NTN1: variants seen among roughly 807,000 people sequenced by gnomAD.
NTN1 encodes the protein netrin 1.
NTN1 carries 11 observed loss-of-function variants against 54.2 expected under a neutral mutation model. The observed-to-expected ratio is 0.20, with a 90% CI of 0.13 to 0.34. The LOEUF (loss-of-function observed/expected upper bound fraction) is 0.34. Ranked by LOEUF, NTN1 falls within the 10% of genes least tolerant of loss-of-function variation. The probability of loss-of-function intolerance (pLI) is 1.00; values close to 1 mark genes in which losing one functional copy is unlikely to be tolerated. For synonymous variants in NTN1, 371 were observed against 382.0 expected (o/e 0.97, Z 0.33); for missense variants, 740 against 893.1 (o/e 0.83, Z 2.18).
At chr17:9,005,979 C>T in the NTN1 span, among the ~76,000 whole-genome samples, 3 of 152,200 alleles carry the variant, frequency 2.0e-5, no homozygotes, top group Admixed American at 1.3e-4. Flanking sequence ...AATCTGCCCA[C>T]GCCAGGGACA....
chr17:9,043,081 G>GT (rs978575804), intron 2 of NTN1, among the ~76,000 whole-genome samples: 19 of 150,828 alleles, frequency 1.3e-4, no homozygotes, highest in East Asian at 3.9e-4. Flanking sequence ...CTGGTAATTT[G>GT]TTTTTTTTTA....
intron 2 of NTN1, among the ~76,000 whole-genome samples, chr17:9,076,199 C>G (rs540315616): frequency 6.6e-6 from 1 of 152,236 alleles, no homozygotes; most frequent in South Asian, 2.1e-4. Flanking sequence ...ATGAGGGAGG[C>G]CCAATGTCCA....
chr17:9,151,418 G>A (rs922948542), intron 2 of NTN1, among the ~76,000 whole-genome samples: 1 of 152,114 alleles, frequency 6.6e-6, no homozygotes, highest in Non-Finnish European at 1.5e-5. Context: ...TGGCAAGCCG[G>A]GAACTCCAGC....
intron 2 of NTN1, among the ~76,000 whole-genome samples, chr17:9,051,968 T>C (rs946621319): frequency 6.6e-6 from 1 of 152,298 alleles, no homozygotes; most frequent in African/African-American, 2.4e-5. Flanking sequence ...TTTGGGTTTT[T>C]TTTTTTTGTA....
chr17:9,151,572 G>T (rs922561994), intron 2 of NTN1, among the ~76,000 whole-genome samples: 2 of 152,150 alleles, frequency 1.3e-5, no homozygotes, highest in African/African-American at 2.4e-5. Context: ...TGGTGGGGAG[G>T]GGGAAGGGAG....
intron 2 of NTN1, among the ~76,000 whole-genome samples, chr17:9,151,761 G>T (rs1311827036): frequency 6.6e-6 from 1 of 152,174 alleles, no homozygotes; most frequent in Non-Finnish European, 1.5e-5. Context: ...AAGCCAGCTG[G>T]ACTTCCTGGG....
intron 2 of NTN1, among the ~76,000 whole-genome samples, chr17:9,078,961 C>T (rs2092060733): frequency 1.3e-5 from 2 of 152,234 alleles, no homozygotes; most frequent in South Asian, 4.1e-4. Flanking sequence ...GGAGTGCATA[C>T]ATCTGGAAAG....
intron 2 of NTN1, among the ~76,000 whole-genome samples, chr17:9,070,520 A>G (rs1417257965): frequency 6.6e-6 from 1 of 151,800 alleles, no homozygotes; most frequent in African/African-American, 2.4e-5. Flanking sequence ...AGATGGAATT[A>G]GGACCTTAGT....
At chr17:9,145,872 C>T (rs181035883) in intron 2 of NTN1, among the ~76,000 whole-genome samples, 2,811 of 139,640 alleles carry the variant, frequency 0.02, 38 homozygotes, top group African/African-American at 0.032. Flanking sequence ...GAGCTGAGAT[C>T]GGCCACTGCA....
At chr17:9,038,302 CCTA>C (rs2091910387) in intron 2 of NTN1, among the ~76,000 whole-genome samples, 1 of 151,016 alleles carries the variant, frequency 6.6e-6, no homozygotes, top group African/African-American at 2.5e-5. Context: ...CTTATCCTCC[CCTA>C]CTAACTCCTT....
chr17:9,032,264 A>AT (rs1004131670), intron 2 of NTN1, among the ~76,000 whole-genome samples: 72 of 152,310 alleles, frequency 4.7e-4, no homozygotes, highest in African/African-American at 1.7e-3. Flanking sequence ...GTTGTAGTGT[A>AT]TTTGTTTTCT....
Position 9,079,809 on chromosome 17 carries a change from G to A in NTN1, c.1018+56418G>A, listed in dbSNP as rs147592393. ...GGTTCCTCAGCAGGCCTGTTTCCTG[G>A]CCCTGGAGGAAGTGGTTCCCCAATG... is the stretch of plus-strand genomic sequence containing the variant. On this transcript the variant is annotated intron_variant, in intron 2 of 6. Coordinates refer to ENST00000173229, the MANE Select transcript of NTN1 (RefSeq NM_004822.3). 8.1e-3 allele frequency among the ~76,000 whole-genome samples: 1,231 copies of A among 151,878 alleles called. 21 individuals carry two copies. Among genetic ancestry groups the A allele is most frequent in the African/African-American group, 0.028 (1,157 of 41,408 alleles).
intron 2 of NTN1, among the ~76,000 whole-genome samples, chr17:9,033,256 A>G (rs1275667054): frequency 6.6e-6 from 1 of 151,898 alleles, no homozygotes; most frequent in Non-Finnish European, 1.5e-5. Context: ...GCCCGGCCCA[A>G]TCCTTTTTAA....
intron 2 of NTN1, among the ~76,000 whole-genome samples, chr17:9,043,718 T>C (rs2091930881): frequency 6.6e-6 from 1 of 151,864 alleles, no homozygotes; most frequent in Admixed American, 6.6e-5. Flanking sequence ...GTAGCTGGGA[T>C]TACAGGCATG....
chr17:9,126,657 G>C (rs1233841293), intron 2 of NTN1, among the ~76,000 whole-genome samples: 1 of 152,198 alleles, frequency 6.6e-6, no homozygotes, highest in East Asian at 1.9e-4. Flanking sequence ...GTTGGGGAAG[G>C]TTCTGGAAAA....
intron 2 of NTN1, among the ~76,000 whole-genome samples, chr17:9,107,640 T>C (rs1456999091): frequency 1.3e-5 from 2 of 152,222 alleles, no homozygotes; most frequent in African/African-American, 4.8e-5. Context: ...ATTTGTAGCC[T>C]ACAGTGGGTG....
intron 5 of NTN1, among the ~76,000 whole-genome samples, chr17:9,184,762 C>T (rs1056207717): frequency 1.3e-5 from 2 of 152,166 alleles, no homozygotes; most frequent in East Asian, 1.9e-4. Context: ...CCTTCCAAGT[C>T]AGAAATGGGC....
chr17:9,096,661 G>A (rs897993669), intron 2 of NTN1, among the ~76,000 whole-genome samples: 7 of 152,052 alleles, frequency 4.6e-5, no homozygotes, highest in African/African-American at 9.7e-5. Context: ...GTGAGCCACC[G>A]CACCCAGCCC....
At chr17:9,166,783 G>T (rs2092374644) in intron 3 of NTN1, among the ~76,000 whole-genome samples, 1 of 152,128 alleles carries the variant, frequency 6.6e-6, no homozygotes, top group Non-Finnish European at 1.5e-5. Flanking sequence ...TCCCAAATTG[G>T]CTTGGGAACG....
Sources: gnomAD v4.1 joint callset for allele counts (sites outside exome capture counted in the v4.1 genomes callset) on GRCh38, gnomAD v4.1.1 for gene constraint, MANE v1.5 for transcripts, NCBI Gene and HGNC (gene_info 2026-07-23, HGNC 2026-07-21) for gene names.